The following TGM4 variants were observed in gnomAD, a reference collection of about 807,000 sequenced individuals.
TGM4 encodes the protein transglutaminase 4.
A neutral mutation model predicts 76.3 loss-of-function variants in TGM4; 61 were observed. That is an observed-to-expected ratio of 0.80 (90% confidence interval 0.65 to 0.99). The LOEUF is 0.99. Ranked by LOEUF, TGM4 falls within the 50% of genes least tolerant of loss-of-function variation. The pLI, the probability that TGM4 is intolerant of heterozygous loss-of-function variation, is 0.00. For missense variants in TGM4, 794 were observed against 843.2 expected, an observed-to-expected ratio of 0.94 and a Z score of 0.72; for synonymous variants, 337 against 329.8, an observed-to-expected ratio of 1.02 and a Z score of -0.24.
At chr3:44,885,094 T>C (rs1358775227) in intron 1 of TGM4, among the ~76,000 whole-genome samples, 2 of 152,160 alleles carry the variant, frequency 1.3e-5, no homozygotes, top group African/African-American at 2.4e-5. Context: ...AGTCCACTGC[T>C]CTCAGCTCAT....
At chr3:44,884,840 G>A (rs1454104544) in intron 1 of TGM4, among the ~76,000 whole-genome samples, 1 of 152,118 alleles carries the variant, frequency 6.6e-6, no homozygotes, top group African/African-American at 2.4e-5. Context: ...AGCAATCCCA[G>A]GGCTCATCTG....
At chr3:44,875,006 A>G (rs1244664315) in intron 1 of TGM4, among the ~76,000 whole-genome samples, 1 of 152,242 alleles carries the variant, frequency 6.6e-6, no homozygotes, top group Non-Finnish European at 1.5e-5. Context: ...TAGATGATAT[A>G]GACAGATAGA....
chr3:44,890,790 T>C, intron 4 of TGM4, 58 bp downstream of exon 4: 1 of 1,597,360 alleles, frequency 6.3e-7, no homozygotes, highest in Non-Finnish European at 8.5e-7. Flanking sequence ...AAACCTGCTA[T>C]GTGCAATGCA....
At chr3:44,902,102 T>G (rs972650667) in intron 8 of TGM4, among the ~76,000 whole-genome samples, 171 bp downstream of exon 8, 1 of 152,196 alleles carries the variant, frequency 6.6e-6, no homozygotes, top group Non-Finnish European at 1.5e-5. Context: ...CAAGCCACCA[T>G]GCGTGGCATC....
intron 5 of TGM4, among the ~76,000 whole-genome samples, chr3:44,893,945 A>ACCCCCCCTGGCTCTCTCCCC (rs1699740253): frequency 4.0e-5 from 2 of 49,712 alleles, no homozygotes; most frequent in Non-Finnish European, 7.9e-5. Context: ...GCTCTCTCCC[A>ACCCCCCCTGGCTCTCTCCCC]CCCCCCACAG....
rs923452649 is a variant in TGM4 at position 44,910,501 on chromosome 3, A to G, written c.1606+133A>G. 1.3e-5 allele frequency: 15 copies of G among 1,169,078 alleles called. No individual in the cohort carries two copies. In the African/African-American group the frequency reaches 1.4e-4, roughly 11 times the overall value. 72.4% of individuals were successfully genotyped at this position (1,169,078 alleles called of 1,614,324 possible). ...TGTGAGTTAACACAAACATTTATTG[A>G]GCACCTACCCCTTGGTAGTCACAAG... On this transcript the variant is annotated intron_variant, in intron 11 of 13. Coordinates refer to ENST00000296125, the MANE Select transcript of TGM4 (RefSeq NM_003241.4).
chr3:44,913,879 G>C lies in TGM4; in HGVS notation c.*154G>C. 9.9e-7 allele frequency: 1 copy of C among 1,014,788 alleles called. No homozygotes were observed. The highest frequency in any genetic ancestry group is 1.4e-6 in the Non-Finnish European group (1 of 701,218). The allele number at this position is 1,014,788 out of a possible 1,614,324, so 62.9% of individuals were successfully genotyped here. A position where few individuals can be genotyped will look rare whatever the true frequency, so the allele number is the denominator to read the frequency against. On this transcript the variant is annotated 3_prime_UTR_variant, in exon 14 of 14. Coordinates refer to ENST00000296125, the MANE Select transcript of TGM4 (RefSeq NM_003241.4). ...AGGCCAACACAACCATAAGCAGCCA[G>C]ACCCACAAGGCCAGGTCCTGTGCTA...
chr3:44,906,853 G>T, intron 9 of TGM4, 96 bp from the exon 10 acceptor site: 2 of 1,551,976 alleles, frequency 1.3e-6, no homozygotes, highest in Non-Finnish European at 1.7e-6. Flanking sequence ...TTGCTTGCCA[G>T]TCCTGTTTGA....
intron 1 of TGM4, among the ~76,000 whole-genome samples, chr3:44,882,848 G>C (rs139779172): frequency 1.3e-5 from 2 of 152,318 alleles, no homozygotes; most frequent in African/African-American, 4.8e-5. Flanking sequence ...CCTGCATTTT[G>C]TCGAGTGCCT....
rs1699983961 is a variant in TGM4 at position 44,910,240 on chromosome 3, T to C, written c.1478T>C (p.Ile493Thr). 2 of 1,614,218 alleles carry C rather than the reference T, an allele frequency of 1.2e-6. No homozygotes were observed. Among genetic ancestry groups the C allele is most frequent in the Admixed American group, 1.7e-5 (1 of 60,032 alleles). ...GGAAACTCTGTTAATTTCACCGTGA[T>C]TCTTAAAAGGAAGACCGCTGCCCTA... ...LLGNSVNFTV[I>T]LKRKTAALQN... Residue 493 changes from isoleucine to threonine, a missense_variant, in exon 11 of 14, where the codon ATT becomes ACT. Transcript: ENST00000296125.
intron 10 of TGM4, among the ~76,000 whole-genome samples, chr3:44,909,453 TAAC>T (rs1175802550): frequency 3.3e-5 from 5 of 152,240 alleles, no homozygotes; most frequent in African/African-American, 1.2e-4. Context: ...TTGTTTGTCT[TAAC>T]AAATGCTCCA....
At chr3:44,892,672 G>C (rs1699721079) in intron 4 of TGM4, among the ~76,000 whole-genome samples, 1 of 152,074 alleles carries the variant, frequency 6.6e-6, no homozygotes, top group South Asian at 2.1e-4. Context: ...CACCCAGCCG[G>C]TCACTTGATT....
chr3:44,911,904 T>C (rs1700010726), intron 13 of TGM4, among the ~76,000 whole-genome samples: 1 of 152,212 alleles, frequency 6.6e-6, no homozygotes, highest in Admixed American at 6.5e-5. Flanking sequence ...CTTGGCTCAC[T>C]GCAATCTCCA....
intron 1 of TGM4, among the ~76,000 whole-genome samples, chr3:44,879,981 T>A (rs1013239893): frequency 1.3e-5 from 2 of 152,068 alleles, no homozygotes; most frequent in South Asian, 2.1e-4. Flanking sequence ...AATTTTTTTT[T>A]AAAGACAGGG....
chr3:44,899,903 G>A (rs1699829629), intron 6 of TGM4, among the ~76,000 whole-genome samples: 1 of 152,188 alleles, frequency 6.6e-6, no homozygotes, highest in East Asian at 1.9e-4. Context: ...GAGAGGGGGT[G>A]CCCAGGCTGG....
intron 11 of TGM4, 120 bp from the exon 12 acceptor site, chr3:44,910,838 T>C: frequency 3.6e-6 from 4 of 1,116,254 alleles, no homozygotes; most frequent in Non-Finnish European, 5.1e-6. Context: ...GTATGGGACA[T>C]GTCCAAAGTT....
At chr3:44,897,447 G>A (rs1047908710) in intron 6 of TGM4, among the ~76,000 whole-genome samples, 1 of 152,154 alleles carries the variant, frequency 6.6e-6, no homozygotes, top group African/African-American at 2.4e-5. Context: ...CCTGCAAGCT[G>A]GGCTCCAGTT....
At chr3:44,901,051 C>T (rs1699845682) in intron 6 of TGM4, 1 of 159,274 alleles carries the variant, frequency 6.3e-6, no homozygotes, top group South Asian at 1.8e-4. Context: ...CCAACCTGGC[C>T]AACATGGTGA....
At chr3:44,906,856 C>T (rs1372031930) in intron 9 of TGM4, 93 bp from the exon 10 acceptor site, 2 of 1,554,554 alleles carry the variant, frequency 1.3e-6, no homozygotes, top group Admixed American at 3.5e-5. Context: ...CTTGCCAGTC[C>T]TGTTTGAGTT....
Sources: gnomAD v4.1 joint callset for allele counts (sites outside exome capture counted in the v4.1 genomes callset) on GRCh38, gnomAD v4.1.1 for gene constraint, MANE v1.5 for transcripts, NCBI Gene and HGNC (gene_info 2026-07-23, HGNC 2026-07-21) for gene names.